CNBD1: variants seen among roughly 807,000 people sequenced by gnomAD.
CNBD1 encodes the protein cyclic nucleotide-binding domain-containing protein 1.
CNBD1 carries 71 observed loss-of-function variants against 54.4 expected under a neutral mutation model. That is an observed-to-expected ratio of 1.30 (90% CI 1.08 to 1.59). The LOEUF is 1.59. Ranked by LOEUF, CNBD1 falls within the 40% of genes most tolerant of loss-of-function variation. The pLI, the probability that CNBD1 is intolerant of heterozygous loss-of-function variation, is 0.00. For synonymous variants in CNBD1, 182 were observed against 170.7 expected (o/e 1.07, Z -0.51); for missense variants, 659 against 518.0 (o/e 1.27, Z -2.64).
intron 4 of CNBD1, among the ~76,000 whole-genome samples, chr8:87,133,055 T>C (rs1342358949): frequency 2.0e-5 from 3 of 151,730 alleles, no homozygotes; most frequent in African/African-American, 7.2e-5. Flanking sequence ...ATGTATATTT[T>C]AAAAAATGAT....
At chr8:87,139,832 GA>G (rs1181915463) in intron 4 of CNBD1, among the ~76,000 whole-genome samples, 2 of 152,144 alleles carry the variant, frequency 1.3e-5, no homozygotes, top group African/African-American at 4.8e-5. Context: ...CTTCCCCTGA[GA>G]AAAGATCAAG....
At chr8:87,281,019 G>T (rs1808589097) in intron 6 of CNBD1, among the ~76,000 whole-genome samples, 1 of 151,528 alleles carries the variant, frequency 6.6e-6, no homozygotes, top group South Asian at 2.1e-4. Context: ...TAGCTTTATA[G>T]TGTTGTCTCA....
intron 2 of CNBD1, among the ~76,000 whole-genome samples, chr8:87,404,229 T>C (rs1318928880): frequency 2.0e-5 from 3 of 152,000 alleles, no homozygotes; most frequent in Non-Finnish European, 4.4e-5. Flanking sequence ...TGTTCAAAAG[T>C]TGGAACAGCT....
Position 87,330,172 on chromosome 8 carries a change from A to G in CNBD1, c.1043-21513A>G, listed in dbSNP as rs182388188. On this transcript the variant is annotated intron_variant, in intron 8 of 10. Coordinates refer to ENST00000518476, the MANE Select transcript of CNBD1 (RefSeq NM_173538.3). ...ATTATTTATTTTTTTAATGTTCATA[A>G]GATCTGTAGTGATGTCCCCTATTTT... 6.0e-5 allele frequency among the ~76,000 whole-genome samples: 9 copies of G among 149,568 alleles called. No individual in the cohort carries two copies. In the East Asian group the frequency reaches 1.7e-3, roughly 29 times the overall value.
chr8:87,049,849 G>A (rs1180061428), intron 4 of CNBD1, among the ~76,000 whole-genome samples: 4 of 152,166 alleles, frequency 2.6e-5, no homozygotes, highest in Admixed American at 6.5e-5. Flanking sequence ...ATTCTCCATG[G>A]TTAACTTGGT....
chr8:87,062,612 C>A (rs1256984170), intron 4 of CNBD1, among the ~76,000 whole-genome samples: 1 of 151,998 alleles, frequency 6.6e-6, no homozygotes, highest in Non-Finnish European at 1.5e-5. Flanking sequence ...TGGCACATTT[C>A]TGTAATCCCA....
At chr8:87,202,728 T>C (rs1016715330) in intron 4 of CNBD1, among the ~76,000 whole-genome samples, 3 of 152,154 alleles carry the variant, frequency 2.0e-5, no homozygotes, top group African/African-American at 4.8e-5. Flanking sequence ...GCCTGAGTAC[T>C]GAATGAGTCC....
intron 2 of CNBD1, among the ~76,000 whole-genome samples, chr8:86,897,666 G>A (rs1484339343): frequency 1.3e-5 from 2 of 152,124 alleles, no homozygotes; most frequent in Admixed American, 6.5e-5. Flanking sequence ...AAAATATAAT[G>A]TTTTTTTCCT....
At chr8:86,887,063 G>T (rs565557286) in intron 1 of CNBD1, among the ~76,000 whole-genome samples, 6 of 152,296 alleles carry the variant, frequency 3.9e-5, no homozygotes, top group South Asian at 2.1e-4. Flanking sequence ...ACTAGAAGGT[G>T]CTCTGAAGAG....
intron 10 of CNBD1, among the ~76,000 whole-genome samples, chr8:87,362,959 C>A (rs149479092): frequency 0.035 from 5,245 of 151,926 alleles, 287 homozygotes; most frequent in African/African-American, 0.12. Context: ...TACCCATCAA[C>A]CCGTCATCTA....
chr8:87,292,631 G>A (rs1808808732), intron 8 of CNBD1, among the ~76,000 whole-genome samples: 1 of 152,148 alleles, frequency 6.6e-6, no homozygotes, highest in Admixed American at 6.6e-5. Context: ...ATGGCTCAAT[G>A]CCTCTTCCAA....
intron 2 of CNBD1, among the ~76,000 whole-genome samples, chr8:87,415,088 T>A (rs113763271): frequency 0.015 from 2,282 of 152,204 alleles, 58 homozygotes; most frequent in African/African-American, 0.049. Context: ...AACTCATTGC[T>A]GTATCACAAG....
intron 6 of CNBD1, among the ~76,000 whole-genome samples, chr8:87,260,150 A>G (rs549119411): frequency 6.6e-6 from 1 of 152,316 alleles, no homozygotes; most frequent in East Asian, 1.9e-4. Context: ...AGTCTGTAGT[A>G]GTTAATTTTG....
chr8:86,872,341 C>A (rs1002178371), intron 1 of CNBD1, among the ~76,000 whole-genome samples: 1 of 152,054 alleles, frequency 6.6e-6, no homozygotes, highest in Non-Finnish European at 1.5e-5. Context: ...CTGGCTTTTC[C>A]AGTATGAAGA....
At chr8:87,098,483 G>A (rs1172178335) in intron 4 of CNBD1, among the ~76,000 whole-genome samples, 1 of 152,090 alleles carries the variant, frequency 6.6e-6, no homozygotes, top group Non-Finnish European at 1.5e-5. Flanking sequence ...AATCCCAGCT[G>A]GGGTTAAGAC....
At chr8:87,402,280 T>C (rs1422178155) in intron 2 of CNBD1, among the ~76,000 whole-genome samples, 2 of 151,872 alleles carry the variant, frequency 1.3e-5, no homozygotes, top group Non-Finnish European at 2.9e-5. Flanking sequence ...ATGGGAGCTA[T>C]AAGTCAAGAT....
rs182342614 is a variant in CNBD1, at chr8:87,303,888, G to A, written c.1042+17217G>A. 9.6e-3 allele frequency among the ~76,000 whole-genome samples: 1,464 copies of A among 152,252 alleles called. 18 individuals are homozygous for A. The highest frequency in any genetic ancestry group is 0.032 in the African/African-American group (1,344 of 41,524). ...ACAGCCAAAAGACACATGAAAAAATGCTCACCATCACTGGCCATCAGAGAA... is the reference window on the plus strand; with the variant it reads ...ACAGCCAAAAGACACATGAAAAAATACTCACCATCACTGGCCATCAGAGAA... On this transcript the variant is annotated intron_variant, in intron 8 of 10. Coordinates refer to ENST00000518476, the MANE Select transcript of CNBD1 (RefSeq NM_173538.3).
chr8:86,971,714 G>A (rs1300805749), intron 4 of CNBD1, among the ~76,000 whole-genome samples: 1 of 151,800 alleles, frequency 6.6e-6, no homozygotes, highest in Non-Finnish European at 1.5e-5. Flanking sequence ...AATATTTTGT[G>A]AATAGGATTA....
At chr8:87,400,834 C>T (rs1006429955) in intron 2 of CNBD1, among the ~76,000 whole-genome samples, 2 of 151,988 alleles carry the variant, frequency 1.3e-5, no homozygotes, top group Non-Finnish European at 2.9e-5. Flanking sequence ...GTGATTTCAA[C>T]TTTGGCTGCT....
Sources: gnomAD v4.1 joint callset for allele counts (sites outside exome capture counted in the v4.1 genomes callset) on GRCh38, gnomAD v4.1.1 for gene constraint, MANE v1.5 for transcripts, NCBI Gene and HGNC (gene_info 2026-07-23, HGNC 2026-07-21) for gene names.